Variants in CACNA2D3 observed in about 807,000 individuals in gnomAD.
CACNA2D3 encodes calcium voltage-gated channel auxiliary subunit alpha2delta 3.
A neutral mutation model predicts 160.6 loss-of-function variants in CACNA2D3; 60 were observed. That is an observed-to-expected ratio of 0.37 (90% CI 0.30 to 0.46). CACNA2D3 has a LOEUF of 0.46. Among genes scored for constraint, CACNA2D3 ranks in the 20% least tolerant of loss-of-function variants. The probability of loss-of-function intolerance (pLI) is 1.00; values close to 1 mark genes in which losing one functional copy is unlikely to be tolerated. For synonymous variants in CACNA2D3, 558 were observed against 492.9 expected (o/e 1.13, Z -1.75); for missense variants, 1,205 against 1,365.0 (o/e 0.88, Z 1.85).
At chr3:54,928,890 T>C (rs1701107372) in intron 27 of CACNA2D3, among the ~76,000 whole-genome samples, 1 of 152,158 alleles carries the variant, frequency 6.6e-6, no homozygotes, top group Non-Finnish European at 1.5e-5. Context: ...CTTCTCTAAT[T>C]GAAGCTTCAG....
chr3:54,845,966 C>A (rs556912872), intron 16 of CACNA2D3, among the ~76,000 whole-genome samples: 1 of 152,250 alleles, frequency 6.6e-6, no homozygotes, highest in South Asian at 2.1e-4. Context: ...TGGAATTATA[C>A]GAAGTCTAGA....
intron 4 of CACNA2D3, among the ~76,000 whole-genome samples, chr3:54,437,327 C>G (rs907154782): frequency 6.6e-6 from 1 of 152,222 alleles, no homozygotes; most frequent in Non-Finnish European, 1.5e-5. Flanking sequence ...CAGACTTAAG[C>G]CATTACAGGC....
At chr3:54,654,309 G>A (rs543062514) in intron 11 of CACNA2D3, among the ~76,000 whole-genome samples, 131 of 152,152 alleles carry the variant, frequency 8.6e-4, no homozygotes, top group Non-Finnish European at 1.6e-3. Flanking sequence ...GGTGCCCTCC[G>A]GGGCTTGGCA....
intron 2 of CACNA2D3, among the ~76,000 whole-genome samples, chr3:54,145,826 C>G (rs1700018033): frequency 6.6e-6 from 1 of 152,190 alleles, no homozygotes; most frequent in Non-Finnish European, 1.5e-5. Flanking sequence ...GTCATTGCCT[C>G]TCTTCTCTCC....
chr3:54,885,943 G>A (rs1370132030), intron 23 of CACNA2D3, among the ~76,000 whole-genome samples: 2 of 152,196 alleles, frequency 1.3e-5, no homozygotes, highest in Non-Finnish European at 2.9e-5. Context: ...GTAGGATTGT[G>A]CCTCATTCAA....
chr3:54,987,875 G>C (rs1438305287), intron 31 of CACNA2D3, 122 bp downstream of exon 31: 11 of 622,344 alleles, frequency 1.8e-5, no homozygotes, highest in Non-Finnish European at 2.8e-5. Flanking sequence ...TTGTGTTCAT[G>C]CTCCAAAAGA....
At chr3:54,818,546 A>G (rs1383345808) in intron 14 of CACNA2D3, among the ~76,000 whole-genome samples, 3 of 152,246 alleles carry the variant, frequency 2.0e-5, no homozygotes, top group Non-Finnish European at 4.4e-5. Flanking sequence ...TTGCTGGGCT[A>G]TATAATACTT....
chr3:54,460,407 G>A (rs1031589626), intron 4 of CACNA2D3, among the ~76,000 whole-genome samples: 1 of 152,192 alleles, frequency 6.6e-6, no homozygotes, highest in Non-Finnish European at 1.5e-5. Context: ...CTACCCATGA[G>A]CATGGAATGT....
chr3:54,667,795 T>A (rs975595625), intron 11 of CACNA2D3, among the ~76,000 whole-genome samples: 19 of 151,838 alleles, frequency 1.3e-4, no homozygotes, highest in African/African-American at 1.7e-4. Flanking sequence ...TAATTTTTTT[T>A]AAAAAGCCAG....
chr3:54,563,017 T>A (rs1702351800), intron 6 of CACNA2D3, 86 bp downstream of exon 6: 4 of 1,242,506 alleles, frequency 3.2e-6, no homozygotes, highest in Non-Finnish European at 4.5e-6. Context: ...AGGTTAAAAC[T>A]TTTCTGCCTT....
chr3:54,244,660 A>G (rs1702037711), intron 2 of CACNA2D3, among the ~76,000 whole-genome samples: 1 of 152,244 alleles, frequency 6.6e-6, no homozygotes, highest in Admixed American at 6.5e-5. Flanking sequence ...AAGTGTCCAC[A>G]TCCAATATCC....
chr3:54,232,030 T>A (rs766679364), intron 2 of CACNA2D3, among the ~76,000 whole-genome samples: 24 of 152,346 alleles, frequency 1.6e-4, no homozygotes, highest in Admixed American at 5.2e-4. Context: ...ATAGGCATGT[T>A]TCACAGGAAT....
intron 3 of CACNA2D3, among the ~76,000 whole-genome samples, chr3:54,336,004 CAAAAAAAAAA>C (rs60465412): frequency 2.7e-5 from 2 of 74,548 alleles, no homozygotes; most frequent in Non-Finnish European, 4.9e-5. Context: ...GACTCCGTCT[CAAAAAAAAAA>C]AAAAAAAAAA....
At chr3:54,611,808 T>A (rs1299104132) in intron 9 of CACNA2D3, among the ~76,000 whole-genome samples, 1 of 152,090 alleles carries the variant, frequency 6.6e-6, no homozygotes, top group Non-Finnish European at 1.5e-5. Flanking sequence ...AAAAAAAAAA[T>A]CAGTGCCTAT....
At chr3:54,430,850 G>T (rs527878929) in intron 4 of CACNA2D3, among the ~76,000 whole-genome samples, 1 of 152,268 alleles carries the variant, frequency 6.6e-6, no homozygotes, top group African/African-American at 2.4e-5. Context: ...GGGCTTAGGG[G>T]CGCTGACTCC....
At chr3:54,203,001 T>C (rs1243783970) in intron 2 of CACNA2D3, among the ~76,000 whole-genome samples, 3 of 152,196 alleles carry the variant, frequency 2.0e-5, no homozygotes, top group East Asian at 3.8e-4. Flanking sequence ...CTGGGGATCA[T>C]GGCTGGTGAC....
chr3:54,868,023 T>G (rs551691002), intron 17 of CACNA2D3, among the ~76,000 whole-genome samples: 29 of 152,236 alleles, frequency 1.9e-4, no homozygotes, highest in African/African-American at 5.3e-4. Flanking sequence ...GAATGGGTGG[T>G]GGCAGGCCAA....
intron 11 of CACNA2D3, among the ~76,000 whole-genome samples, chr3:54,734,779 A>G (rs1168265858): frequency 1.3e-5 from 2 of 152,232 alleles, no homozygotes; most frequent in East Asian, 1.9e-4. Flanking sequence ...TTGTCAGAGC[A>G]TTAACATCCT....
At chr3:54,400,070 C>T (rs1186274688) in intron 4 of CACNA2D3, among the ~76,000 whole-genome samples, 11 of 137,282 alleles carry the variant, frequency 8.0e-5, no homozygotes, top group Admixed American at 1.5e-4. Context: ...TTTCCAGGTG[C>T]GTCCGTCACC....
Sources: gnomAD v4.1 joint callset for allele counts (sites outside exome capture counted in the v4.1 genomes callset) on GRCh38, gnomAD v4.1.1 for gene constraint, MANE v1.5 for transcripts, NCBI Gene and HGNC (gene_info 2026-07-23, HGNC 2026-07-21) for gene names.